Variants in GALNT2 observed in about 807,000 individuals in gnomAD.
The protein encoded by GALNT2 is UDP-GalNAc:polypeptide N-acetylgalactosaminyltransferase 2.
In GALNT2, 31 loss-of-function variants were observed where a neutral mutation model predicts 81.4. The ratio of observed to expected loss-of-function variants is 0.38; its 90% CI spans 0.29 to 0.51. The LOEUF (loss-of-function observed/expected upper bound fraction) is 0.51, where lower values mean the gene tolerates loss of function less well. Ranked by LOEUF, GALNT2 falls within the 20% of genes least tolerant of loss-of-function variation. The pLI, the probability that GALNT2 is intolerant of heterozygous loss-of-function variation, is 0.87. For missense variants in GALNT2, 629 were observed against 765.7 expected (o/e 0.82, Z 2.11); for synonymous variants, 303 against 287.4 (o/e 1.05, Z -0.55).
intron 1 of GALNT2, among the ~76,000 whole-genome samples, chr1:230,173,668 A>C (rs1572048598): frequency 6.6e-6 from 1 of 152,330 alleles, no homozygotes; most frequent in East Asian, 1.9e-4. Context: ...TTTCCCCTTA[A>C]AAGGGAGAAA....
At chr1:230,136,371 G>A (rs186721601) in intron 1 of GALNT2, among the ~76,000 whole-genome samples, 88 of 152,334 alleles carry the variant, frequency 5.8e-4, no homozygotes, top group African/African-American at 2.1e-3. Flanking sequence ...TAGAGCTCCA[G>A]GAGAGAGTGG....
intron 1 of GALNT2, among the ~76,000 whole-genome samples, chr1:230,158,192 AG>A (rs1241374539): frequency 2.0e-5 from 3 of 151,964 alleles, no homozygotes; most frequent in Non-Finnish European, 4.4e-5. Flanking sequence ...CCCGGGTAGC[AG>A]GGGGGCAGGA....
chr1:230,182,024 T>C (rs1351298813), intron 2 of GALNT2, among the ~76,000 whole-genome samples: 1 of 152,222 alleles, frequency 6.6e-6, no homozygotes, highest in Non-Finnish European at 1.5e-5. Context: ...TTTATGGGAA[T>C]AGAGTTGTTC....
intron 1 of GALNT2, among the ~76,000 whole-genome samples, chr1:230,084,817 G>T (rs777488101): frequency 1.3e-5 from 2 of 152,232 alleles, no homozygotes; most frequent in Admixed American, 6.5e-5. Context: ...CTGTGGTTTG[G>T]CAGCATGCTT....
rs1323267182 is a variant in GALNT2, at chr1:230,087,054, G to A, written c.126+19648G>A. Among the ~76,000 whole-genome samples the A allele has an allele frequency of 2.0e-5, 3 of 152,378 alleles. No individual in the cohort carries two copies. The East Asian group carries it at 5.8e-4, about 29-fold the overall frequency. On this transcript the variant is annotated intron_variant, in intron 1 of 15. Transcript: ENST00000366672. ...GCACGTAGGGAGAAAGAGCTCAGTA[G>A]AGTGTGTGTGGGAGGGGTCTTCTTC...
intron 3 of GALNT2, among the ~76,000 whole-genome samples, chr1:230,215,811 A>T (rs1233595634): frequency 6.6e-6 from 1 of 152,234 alleles, no homozygotes; most frequent in Non-Finnish European, 1.5e-5. Context: ...TCAGATGTAC[A>T]CATAAACTAC....
chr1:230,127,102 C>A (rs1661207941), intron 1 of GALNT2, among the ~76,000 whole-genome samples: 1 of 152,206 alleles, frequency 6.6e-6, no homozygotes, highest in East Asian at 1.9e-4. Context: ...AAACAAACGT[C>A]CCCCCCTCCC....
chr1:230,156,490 A>G (rs1010450011), intron 1 of GALNT2, among the ~76,000 whole-genome samples: 1 of 151,934 alleles, frequency 6.6e-6, no homozygotes, highest in African/African-American at 2.4e-5. Context: ...TTTACCTTCA[A>G]CGTTCGTTTC....
At chr1:230,068,399 AGT>A (rs1409710017) in intron 1 of GALNT2, among the ~76,000 whole-genome samples, 1 of 152,200 alleles carries the variant, frequency 6.6e-6, no homozygotes, top group Non-Finnish European at 1.5e-5. Context: ...GGACGTTTGT[AGT>A]GTTTTACTGG....
intron 8 of GALNT2, among the ~76,000 whole-genome samples, chr1:230,247,923 C>A (rs1365088018): frequency 6.6e-6 from 1 of 152,180 alleles, no homozygotes; most frequent in African/African-American, 2.4e-5. Flanking sequence ...AATCCTTAAC[C>A]TTCTCTGTTA....
intron 1 of GALNT2, among the ~76,000 whole-genome samples, chr1:230,144,049 G>A (rs562800494): frequency 1.3e-5 from 2 of 152,312 alleles, no homozygotes; most frequent in African/African-American, 4.8e-5. Flanking sequence ...ACTTACAAAA[G>A]CAGCACCTGC....
chr1:230,144,121 A>G (rs1033172579), intron 1 of GALNT2, among the ~76,000 whole-genome samples: 1 of 152,134 alleles, frequency 6.6e-6, no homozygotes, highest in Non-Finnish European at 1.5e-5. Context: ...CCACACCTGG[A>G]TCGGGAGGCA....
intron 1 of GALNT2, among the ~76,000 whole-genome samples, chr1:230,111,042 G>A (rs1660688610): frequency 6.6e-6 from 1 of 152,222 alleles, no homozygotes; most frequent in Non-Finnish European, 1.5e-5. Flanking sequence ...TATATACTGT[G>A]CATGCATATT....
chr1:230,117,988 A>T (rs1660895415), intron 1 of GALNT2, among the ~76,000 whole-genome samples: 1 of 152,152 alleles, frequency 6.6e-6, no homozygotes, highest in Non-Finnish European at 1.5e-5. Flanking sequence ...CTGCCCTTGG[A>T]ATTGTCTGTG....
At chr1:230,111,173 T>C (rs1267258746) in intron 1 of GALNT2, among the ~76,000 whole-genome samples, 1 of 152,210 alleles carries the variant, frequency 6.6e-6, no homozygotes, top group African/African-American at 2.4e-5. Flanking sequence ...ACAGCACACA[T>C]GCACACATGC....
At chr1:230,145,715 G>A (rs565080409) in intron 1 of GALNT2, among the ~76,000 whole-genome samples, 2 of 152,336 alleles carry the variant, frequency 1.3e-5, no homozygotes, top group South Asian at 2.1e-4. Flanking sequence ...ACAGCAGGAC[G>A]TCAGGCAAGC....
intron 1 of GALNT2, among the ~76,000 whole-genome samples, chr1:230,069,256 A>T (rs573910564): frequency 8.6e-4 from 119 of 137,828 alleles, no homozygotes; most frequent in African/African-American, 3.9e-3. Flanking sequence ...TGTGATTCTT[A>T]GTTTGTTTTT....
At chr1:230,274,819 G>T (rs1300817605) in intron 15 of GALNT2, among the ~76,000 whole-genome samples, 2 of 151,976 alleles carry the variant, frequency 1.3e-5, no homozygotes, top group East Asian at 1.9e-4. Context: ...ATCTACTTTT[G>T]TTTATTCATC....
At chr1:230,105,387 C>G (rs971753397) in intron 1 of GALNT2, among the ~76,000 whole-genome samples, 47 of 151,964 alleles carry the variant, frequency 3.1e-4, no homozygotes, top group African/African-American at 1.1e-3. Flanking sequence ...ATCATTGATT[C>G]TACAATGCAC....
Sources: gnomAD v4.1 joint callset for allele counts (sites outside exome capture counted in the v4.1 genomes callset) on GRCh38, gnomAD v4.1.1 for gene constraint, MANE v1.5 for transcripts, NCBI Gene and HGNC (gene_info 2026-07-23, HGNC 2026-07-21) for gene names.